Variants in TOX observed in about 807,000 individuals in gnomAD.
The protein encoded by TOX is thymocyte selection associated high mobility group box, also known as thymocyte selection-associated high mobility group box protein TOX.
TOX carries 11 observed loss-of-function variants against 53.7 expected under a neutral mutation model. The ratio of observed to expected loss-of-function variants is 0.20; its 90% CI spans 0.13 to 0.34. TOX has a LOEUF of 0.34. Ranked by LOEUF, TOX falls within the 10% of genes least tolerant of loss-of-function variation. The probability of loss-of-function intolerance (pLI) is 1.00; values close to 1 mark genes in which losing one functional copy is unlikely to be tolerated. For missense variants in TOX, 570 were observed against 664.6 expected, an observed-to-expected ratio of 0.86 and a Z score of 1.56; for synonymous variants, 225 against 245.3, an observed-to-expected ratio of 0.92 and a Z score of 0.77.
chr8:58,852,463 C>A (rs563946711), intron 3 of TOX, among the ~76,000 whole-genome samples: 1 of 152,290 alleles, frequency 6.6e-6, no homozygotes, highest in East Asian at 1.9e-4. Flanking sequence ...GCAAGGTCAA[C>A]ATATTAATCC....
intron 2 of TOX, among the ~76,000 whole-genome samples, chr8:58,943,116 C>T (rs1157806781): frequency 1.3e-5 from 2 of 152,158 alleles, no homozygotes; most frequent in African/African-American, 4.8e-5. Context: ...GCTCTGATCC[C>T]CTGAAGTGAC....
chr8:58,833,055 G>A (rs980179518), intron 5 of TOX, among the ~76,000 whole-genome samples: 2 of 152,142 alleles, frequency 1.3e-5, no homozygotes, highest in African/African-American at 4.8e-5. Flanking sequence ...TCTGGGTACC[G>A]TGGGCTGTGG....
chr8:58,897,213 ATC>A (rs1214012821), intron 3 of TOX, among the ~76,000 whole-genome samples: 1 of 152,184 alleles, frequency 6.6e-6, no homozygotes, highest in African/African-American at 2.4e-5. Context: ...GATGATGATC[ATC>A]ATTTTCTCCA....
chr8:58,868,137 A>T (rs992486774), intron 3 of TOX, among the ~76,000 whole-genome samples: 14 of 152,154 alleles, frequency 9.2e-5, no homozygotes, highest in Non-Finnish European at 2.1e-4. Flanking sequence ...TATAAAGGGC[A>T]GTTCCTCTGC....
intron 2 of TOX, among the ~76,000 whole-genome samples, chr8:58,951,794 G>C (rs1812626065): frequency 6.6e-6 from 1 of 152,170 alleles, no homozygotes; most frequent in African/African-American, 2.4e-5. Context: ...GCTGGGCCTT[G>C]GAAGTCACTT....
intron 1 of TOX, among the ~76,000 whole-genome samples, chr8:59,002,453 G>A (rs7838155): frequency 0.3 from 45,497 of 150,654 alleles, 8,239 homozygotes; most frequent in South Asian, 0.43. Context: ...TTAGCGGAGC[G>A]TGGTGGCAGG....
chr8:58,962,432 A>G (rs963584647), intron 1 of TOX, among the ~76,000 whole-genome samples: 3 of 152,234 alleles, frequency 2.0e-5, no homozygotes, highest in Non-Finnish European at 2.9e-5. Context: ...TTACGAAAGA[A>G]GATACAAAGG....
chr8:59,031,753 G>A (rs947404673), intron 1 of TOX, among the ~76,000 whole-genome samples: 4 of 152,336 alleles, frequency 2.6e-5, no homozygotes, highest in Admixed American at 2.6e-4. Context: ...CAGACTGAGC[G>A]AGCAGGTTGG....
At position 59,026,156 on chromosome 8, in the gene TOX, C is replaced by T. The variant is rs141639545; in HGVS notation, c.103-66148G>A. 2.4e-3 allele frequency among the ~76,000 whole-genome samples: 358 copies of T among 151,996 alleles called. 2 individuals are homozygous for T. The highest frequency in any genetic ancestry group is 3.4e-3 in the Non-Finnish European group (231 of 67,974). ...TTCTTTCAGTCATTCATTGAACACA[C>T]TAAATGAGCCCCAGTGGAGTCAATA... On this transcript the variant is annotated intron_variant, in intron 1 of 8. Coordinates refer to ENST00000361421, the MANE Select transcript of TOX (RefSeq NM_014729.3).
At chr8:58,943,214 G>T (rs1336898069) in intron 2 of TOX, among the ~76,000 whole-genome samples, 2 of 152,188 alleles carry the variant, frequency 1.3e-5, no homozygotes, top group Non-Finnish European at 2.9e-5. Context: ...AAGCTATGGA[G>T]CCTAACCCCC....
chr8:58,887,862 T>C (rs1255039888), intron 3 of TOX, among the ~76,000 whole-genome samples: 2 of 152,082 alleles, frequency 1.3e-5, no homozygotes, highest in Non-Finnish European at 2.9e-5. Context: ...GAATACAGCA[T>C]TAGTTGCACA....
At chr8:58,977,214 CT>C (rs1813117658) in intron 1 of TOX, among the ~76,000 whole-genome samples, 1 of 152,260 alleles carries the variant, frequency 6.6e-6, no homozygotes, top group Non-Finnish European at 1.5e-5. Flanking sequence ...TCAGCACTTG[CT>C]GTTTCAACTT....
At chr8:59,060,861 G>C (rs917334997) in intron 1 of TOX, among the ~76,000 whole-genome samples, 1 of 152,070 alleles carries the variant, frequency 6.6e-6, no homozygotes, top group African/African-American at 2.4e-5. Context: ...CTTGTTGTTT[G>C]GTGCCCTTTA....
chr8:59,073,313 A>T (rs1035547207), intron 1 of TOX, among the ~76,000 whole-genome samples: 6 of 152,140 alleles, frequency 3.9e-5, no homozygotes, highest in Non-Finnish European at 7.4e-5. Context: ...TTCCATAACC[A>T]TTGTAACTTA....
chr8:58,861,093 C>A (rs1379326528), intron 3 of TOX, among the ~76,000 whole-genome samples: 1 of 152,182 alleles, frequency 6.6e-6, no homozygotes, highest in African/African-American at 2.4e-5. Flanking sequence ...GTTTGACACA[C>A]CGTGCTTCAG....
chr8:58,904,303 AT>A (rs35666441), intron 3 of TOX, among the ~76,000 whole-genome samples: 32 of 140,772 alleles, frequency 2.3e-4, no homozygotes, highest in African/African-American at 3.1e-4. Context: ...TAGACGACAT[AT>A]TTTTTTTTTT....
At chr8:59,104,460 A>C (rs1804861247) in intron 1 of TOX, among the ~76,000 whole-genome samples, 1 of 152,078 alleles carries the variant, frequency 6.6e-6, no homozygotes. Flanking sequence ...AGTTTTTGCA[A>C]CTTTTCACTA....
chr8:58,872,128 C>T (rs560791936), intron 3 of TOX, among the ~76,000 whole-genome samples: 2 of 152,036 alleles, frequency 1.3e-5, no homozygotes, highest in African/African-American at 4.8e-5. Context: ...CACACACATA[C>T]AGAGTGGTGA....
chr8:59,054,966 A>G (rs1181067739), intron 1 of TOX, among the ~76,000 whole-genome samples: 1 of 133,904 alleles, frequency 7.5e-6, no homozygotes, highest in African/African-American at 2.9e-5. Flanking sequence ...GGGAGGGAGG[A>G]AGGAAGGGAC....
Sources: allele counts gnomAD v4.1 joint callset (sites outside exome capture counted in the v4.1 genomes callset), GRCh38; gene constraint gnomAD v4.1.1; transcripts MANE v1.5; gene names NCBI Gene and HGNC (gene_info 2026-07-23, HGNC 2026-07-21).